Variants in GAS2 observed in about 807,000 individuals in gnomAD.
GAS2 encodes growth arrest-specific protein 2.
In GAS2, 20 loss-of-function variants were observed where a neutral mutation model predicts 37.5. The observed-to-expected ratio is 0.53, with a 90% confidence interval of 0.37 to 0.77. The LOEUF is 0.77. GAS2 is among the 30% of genes least tolerant of loss of function. GAS2 has a pLI of 0.00. For missense variants in GAS2, 336 were observed against 373.4 expected, an observed-to-expected ratio of 0.90 and a Z score of 0.82; for synonymous variants, 144 against 132.2, an observed-to-expected ratio of 1.09 and a Z score of -0.61.
chr11:22,676,996 A>G (rs555565921), intron 2 of GAS2, among the ~76,000 whole-genome samples: 3 of 152,256 alleles, frequency 2.0e-5, no homozygotes, highest in Admixed American at 2.0e-4. Flanking sequence ...AATAATAACT[A>G]TTGTCATTAT....
At chr11:22,656,273 A>C (rs984787168) in intron 1 of GAS2, among the ~76,000 whole-genome samples, 3 of 152,198 alleles carry the variant, frequency 2.0e-5, no homozygotes, top group Non-Finnish European at 4.4e-5. Context: ...TCTGAGTTGC[A>C]GCAACATATG....
chr11:22,802,227 A>G (rs1165029265), intron 7 of GAS2, among the ~76,000 whole-genome samples: 2 of 151,836 alleles, frequency 1.3e-5, no homozygotes, highest in Non-Finnish European at 2.9e-5. Flanking sequence ...CAAACACTGC[A>G]TGTTCTCACT....
chr11:22,686,945 A>C (rs2133950071), intron 3 of GAS2, among the ~76,000 whole-genome samples: 1 of 152,162 alleles, frequency 6.6e-6, no homozygotes, highest in Non-Finnish European at 1.5e-5. Context: ...TTATTTCTTA[A>C]AAGCAGCTCT....
chr11:22,696,458 A>G (rs1267879491), intron 3 of GAS2, among the ~76,000 whole-genome samples: 4 of 152,200 alleles, frequency 2.6e-5, no homozygotes, highest in East Asian at 3.9e-4. Flanking sequence ...GTATATACCC[A>G]GTAATGAGAT....
intron 1 of GAS2, among the ~76,000 whole-genome samples, chr11:22,633,920 G>C (rs1436257303): frequency 1.3e-5 from 2 of 152,184 alleles, no homozygotes; most frequent in Admixed American, 6.5e-5. Context: ...ACCCGAAAGT[G>C]TTCCAGGAAG....
At chr11:22,764,332 G>A (rs1032769514) in intron 7 of GAS2, among the ~76,000 whole-genome samples, 1 of 151,968 alleles carries the variant, frequency 6.6e-6, no homozygotes, top group Non-Finnish European at 1.5e-5. Flanking sequence ...AGGCCGAGGC[G>A]GGCGGATCAC....
At chr11:22,636,906 A>C (rs1858829755) in intron 1 of GAS2, among the ~76,000 whole-genome samples, 1 of 140,404 alleles carries the variant, frequency 7.1e-6, no homozygotes, top group Admixed American at 7.2e-5. Flanking sequence ...ATATTATTTA[A>C]ATATAATATA....
At chr11:22,733,317 A>C (rs938489083) in intron 4 of GAS2, among the ~76,000 whole-genome samples, 1 of 151,762 alleles carries the variant, frequency 6.6e-6, no homozygotes, top group Non-Finnish European at 1.5e-5. Context: ...GTAGGCAGCC[A>C]TTAATTTATA....
chr11:22,709,831 G>A (rs555647434), intron 3 of GAS2, among the ~76,000 whole-genome samples: 39 of 152,168 alleles, frequency 2.6e-4, no homozygotes, highest in Non-Finnish European at 4.3e-4. Flanking sequence ...CTATGCAGCG[G>A]TAAAAAATGA....
intron 7 of GAS2, among the ~76,000 whole-genome samples, chr11:22,802,782 A>G (rs1856725964): frequency 1.3e-5 from 2 of 152,282 alleles, no homozygotes; most frequent in African/African-American, 4.8e-5. Flanking sequence ...TGTACTCTAT[A>G]ACAATGTTTC....
intron 7 of GAS2, among the ~76,000 whole-genome samples, chr11:22,763,156 A>T (rs1854488550): frequency 6.6e-6 from 1 of 152,236 alleles, no homozygotes; most frequent in Non-Finnish European, 1.5e-5. Flanking sequence ...ACTACTTTTA[A>T]ATTAAATCAT....
At chr11:22,634,201 G>A (rs971990979) in intron 1 of GAS2, among the ~76,000 whole-genome samples, 5 of 152,146 alleles carry the variant, frequency 3.3e-5, no homozygotes, top group Non-Finnish European at 1.5e-5. Context: ...AGTGAAAGGG[G>A]TTTCCGCTTA....
At chr11:22,650,970 G>T (rs1452565882) in intron 1 of GAS2, among the ~76,000 whole-genome samples, 1 of 152,030 alleles carries the variant, frequency 6.6e-6, no homozygotes, top group African/African-American at 2.4e-5. Flanking sequence ...TATGATGTTA[G>T]CTGGTTATTT....
At chr11:22,664,350 A>C (rs1050452723), upstream of GAS2, among the ~76,000 whole-genome samples, 6 of 152,102 alleles carry the variant, frequency 3.9e-5, no homozygotes, top group Non-Finnish European at 2.9e-5. Context: ...TGTTTTATTG[A>C]TCATTTTTAA....
In GAS2 at chr11:22,715,460, CAAAAA is replaced by C. The variant is rs1192862614; in HGVS notation, c.268-10813_268-10809del. ...TGGGTGACAGAGCAAGACTCTGTCT[CAAAAA>C]AAAAAAAAAAAAAAAAAAGAAAAGA... On this transcript the variant is annotated intron_variant, in intron 3 of 7. Transcript: ENST00000454584. 1.1e-3 allele frequency among the ~76,000 whole-genome samples: 48 copies of C among 41,748 alleles called. 1 individual carries two copies. In the East Asian group the frequency reaches 0.023, roughly 20 times the overall value. 27.4% of individuals were successfully genotyped at this position (41,748 alleles called of 152,430 possible). A position where few individuals can be genotyped will look rare whatever the true frequency, so the allele number is the denominator to read the frequency against.
chr11:22,634,814 T>C (rs1448052473), intron 1 of GAS2, among the ~76,000 whole-genome samples: 2 of 152,050 alleles, frequency 1.3e-5, no homozygotes, highest in Non-Finnish European at 2.9e-5. Flanking sequence ...CTCTGTGAGA[T>C]TTTCTTGGTT....
chr11:22,656,572 T>C (rs1440278454), intron 1 of GAS2, among the ~76,000 whole-genome samples: 11 of 152,164 alleles, frequency 7.2e-5, no homozygotes, highest in Admixed American at 5.9e-4. Context: ...CTTAAAAGCA[T>C]CTAGAAGTAA....
chr11:22,792,735 A>T (rs964937292), intron 7 of GAS2, among the ~76,000 whole-genome samples: 1 of 152,218 alleles, frequency 6.6e-6, no homozygotes, highest in Non-Finnish European at 1.5e-5. Context: ...ATGAGTCAGC[A>T]TGTGACCAGC....
intron 4 of GAS2, among the ~76,000 whole-genome samples, chr11:22,734,243 CA>C (rs1852628575): frequency 6.6e-6 from 1 of 151,622 alleles, no homozygotes; most frequent in Non-Finnish European, 1.5e-5. Flanking sequence ...TTTGGTGTTT[CA>C]AAAACTGACA....
Sources: allele counts gnomAD v4.1 joint callset (sites outside exome capture counted in the v4.1 genomes callset), GRCh38; gene constraint gnomAD v4.1.1; transcripts MANE v1.5; gene names NCBI Gene and HGNC (gene_info 2026-07-23, HGNC 2026-07-21).